The following ATP8B4 variants were observed in gnomAD, a reference collection of about 807,000 sequenced individuals.
The protein encoded by ATP8B4 is ATPase phospholipid transporting 8B4 (putative), also known as probable phospholipid-transporting ATPase IM.
Under a neutral mutation model 145.6 loss-of-function variants are expected in ATP8B4, and 133 were observed. The ratio of observed to expected loss-of-function variants is 0.91; its 90% CI spans 0.79 to 1.05. ATP8B4 has a LOEUF of 1.05. Ranked by LOEUF, ATP8B4 falls within the 50% of genes least tolerant of loss-of-function variation. ATP8B4 has a pLI of 0.00. For missense variants in ATP8B4, 1,458 were observed against 1,425.2 expected (o/e 1.02, Z -0.37); for synonymous variants, 507 against 492.9 (o/e 1.03, Z -0.38).
intron 25 of ATP8B4, among the ~76,000 whole-genome samples, chr15:49,873,197 A>G (rs1566906269): frequency 6.6e-6 from 1 of 152,206 alleles, no homozygotes; most frequent in Non-Finnish European, 1.5e-5. Context: ...GCTGAAAATG[A>G]TACAATCTAT....
chr15:49,865,876 T>C (rs1477895926), intron 26 of ATP8B4, among the ~76,000 whole-genome samples: 1 of 152,242 alleles, frequency 6.6e-6, no homozygotes, highest in African/African-American at 2.4e-5. Flanking sequence ...CACTTATGGA[T>C]TAATGTCCAG....
At chr15:50,026,077 C>T (rs562999394) in intron 6 of ATP8B4, among the ~76,000 whole-genome samples, 1 of 152,302 alleles carries the variant, frequency 6.6e-6, no homozygotes, top group Admixed American at 6.5e-5. Flanking sequence ...TCTTCCTTAC[C>T]TAATCCATTT....
chr15:49,921,147 A>G (rs2040222647), intron 17 of ATP8B4, among the ~76,000 whole-genome samples: 2 of 152,224 alleles, frequency 1.3e-5, no homozygotes, highest in Non-Finnish European at 2.9e-5. Context: ...GGGAAGCAGG[A>G]CTAAATGTGG....
At chr15:50,050,669 A>G (rs1364713560) in intron 3 of ATP8B4, among the ~76,000 whole-genome samples, 2 of 152,070 alleles carry the variant, frequency 1.3e-5, no homozygotes, top group Non-Finnish European at 2.9e-5. Context: ...AATTAAACCA[A>G]TAAAGCTATG....
At position 50,074,176 on chromosome 15, in the gene ATP8B4, C is replaced by A; in HGVS notation, c.38G>T (p.Arg13Leu). ...CSEKKLREVE[R>L]IVKANDREYN... ...TTCACGGTCATTGGCTTTCACTATC[C>A]GTTCCACTTCTAAAGAGAGAGAAAT... Residue 13 changes from arginine (R) to leucine (L), a missense_variant, in exon 3 of 28, where the codon CGG becomes CTG. Coordinates refer to ENST00000284509, the MANE Select transcript of ATP8B4 (RefSeq NM_024837.4). 2 of 1,611,558 alleles carry A rather than the reference C, an allele frequency of 1.2e-6. No individual in the cohort carries two copies. Among genetic ancestry groups the A allele is most frequent in the South Asian group, 2.2e-5 (2 of 90,886 alleles).
chr15:49,955,397 T>G (rs917716942), intron 14 of ATP8B4, among the ~76,000 whole-genome samples: 1 of 152,154 alleles, frequency 6.6e-6, no homozygotes, highest in Non-Finnish European at 1.5e-5. Context: ...TTGTTGAGGA[T>G]GTAGAAAGAC....
intron 6 of ATP8B4, among the ~76,000 whole-genome samples, chr15:50,028,667 T>C (rs529714074): frequency 7.2e-5 from 11 of 152,292 alleles, no homozygotes; most frequent in African/African-American, 2.2e-4. Context: ...GAAAACACTA[T>C]ATCTTATTAA....
intron 8 of ATP8B4, among the ~76,000 whole-genome samples, chr15:49,998,558 A>T (rs1599715204): frequency 1.3e-5 from 2 of 152,198 alleles, no homozygotes; most frequent in East Asian, 3.9e-4. Flanking sequence ...GTGTCTGTTC[A>T]TGTCCTTCAC....
chr15:49,877,852 T>C (rs2153399529), intron 24 of ATP8B4, among the ~76,000 whole-genome samples: 1 of 152,322 alleles, frequency 6.6e-6, no homozygotes, highest in Middle Eastern at 3.4e-3. Context: ...AAAATAATGA[T>C]AATAACAACA....
intron 16 of ATP8B4, among the ~76,000 whole-genome samples, chr15:49,928,659 A>C (rs1399827218): frequency 6.6e-6 from 1 of 152,092 alleles, no homozygotes. Context: ...ACAATAATAC[A>C]AGCAAGCAGT....
intron 2 of ATP8B4, among the ~76,000 whole-genome samples, chr15:50,074,882 A>G (rs1232263569): frequency 6.6e-6 from 1 of 152,246 alleles, no homozygotes; most frequent in Non-Finnish European, 1.5e-5. Flanking sequence ...CAAGTTTAGT[A>G]GTAAGGGTAG....
chr15:49,926,180 C>T (rs994056056), intron 16 of ATP8B4, among the ~76,000 whole-genome samples: 2 of 152,108 alleles, frequency 1.3e-5, no homozygotes, highest in Non-Finnish European at 2.9e-5. Context: ...ACCTGCACAT[C>T]CGACTACCAG....
In ATP8B4 at chr15:50,047,426, G is replaced by A; in HGVS notation, c.126C>T (p.Thr42=). Residue 42 remains threonine (T), a synonymous_variant, in exon 4 of 28, where the codon ACC becomes ACT. Transcript: ENST00000284509. The part of the protein sequence containing the change: ...RIHTSKYNIL[T]FLPINLFEQF... ...GTTCAAATAAATTAATTGGCAAGAAGGTGAGAATATTATATTTCGATGTGT... is the reference window on the plus strand; with the variant it reads ...GTTCAAATAAATTAATTGGCAAGAAAGTGAGAATATTATATTTCGATGTGT... 1 of 1,597,206 alleles carries A rather than the reference G, an allele frequency of 6.3e-7. No homozygotes were observed. The highest frequency in any genetic ancestry group is 8.6e-7 in the Non-Finnish European group (1 of 1,164,790).
At chr15:49,970,352 T>G (rs1355395731) in intron 13 of ATP8B4, among the ~76,000 whole-genome samples, 2 of 152,208 alleles carry the variant, frequency 1.3e-5, no homozygotes, top group African/African-American at 4.8e-5. Flanking sequence ...GCAGATGACA[T>G]GATTGCATAT....
chr15:49,923,466 A>C lies in ATP8B4; in HGVS notation c.1671T>G (p.Leu557=). ...GAATAGTATCTGCTCCTTTGGAATA[A>C]AGCTTTATCTGTCCTTCTGGGTTTC... ...IVRNPEGQIK[L]YSKGADTILF... is the part of the protein sequence containing the mutation. The change falls in exon 17 of 28, where the codon CTT becomes CTG. Residue 557 remains leucine (L), a synonymous_variant. Coordinates refer to ENST00000284509, the MANE Select transcript of ATP8B4 (RefSeq NM_024837.4). The C allele has an allele frequency of 6.2e-7, 1 of 1,610,966 alleles. No homozygotes were observed. The highest frequency in any genetic ancestry group is 1.1e-5 in the South Asian group (1 of 90,622).
chr15:50,072,670 G>GGAGTGAGT (rs1567305118), intron 3 of ATP8B4, among the ~76,000 whole-genome samples: 1 of 151,674 alleles, frequency 6.6e-6, no homozygotes, highest in East Asian at 1.9e-4. Flanking sequence ...CACCCAGGCT[G>GGAGTGAGT]GAGTGAGTGC....
chr15:49,979,522 G>T, intron 12 of ATP8B4, 95 bp downstream of exon 12: 1 of 1,025,330 alleles, frequency 9.8e-7, no homozygotes, highest in Non-Finnish European at 1.3e-6. Flanking sequence ...TTAAGAGCAA[G>T]ACATCTATTG....
chr15:50,138,592 C>A (rs1211288769), intron 1 of ATP8B4, among the ~76,000 whole-genome samples: 1 of 152,166 alleles, frequency 6.6e-6, no homozygotes, highest in Non-Finnish European at 1.5e-5. Flanking sequence ...CATCTCCCAC[C>A]TGGTGGCAGA....
Position 49,987,458 on chromosome 15 carries a change from C to T in ATP8B4, c.681G>A (p.Glu227=), listed in dbSNP as rs1243818189. 25 of 1,613,908 alleles carry T rather than the reference C, an allele frequency of 1.5e-5. No individual in the cohort carries two copies. The highest frequency in any genetic ancestry group is 2.1e-5 in the Non-Finnish European group (25 of 1,179,830). ...WKDSKHSLNN[E]KIILRGCILR... is the part of the protein sequence containing the mutation. ...GGATGCAGCCTCTCAGGATTATCTT[C>T]TCATTGTTGAGGGAATGCTTGCTGT... The change falls in exon 10 of 28, where the codon GAG becomes GAA. Residue 227 remains glutamate, a synonymous_variant. Coordinates refer to ENST00000284509, the MANE Select transcript of ATP8B4 (RefSeq NM_024837.4).
Sources: allele counts gnomAD v4.1 joint callset (sites outside exome capture counted in the v4.1 genomes callset), GRCh38; gene constraint gnomAD v4.1.1; transcripts MANE v1.5; gene names NCBI Gene and HGNC (gene_info 2026-07-23, HGNC 2026-07-21).